The following GPR173 variants were observed in gnomAD, a reference collection of about 807,000 sequenced individuals.
GPR173 encodes the protein G protein-coupled receptor 173, also known as probable G protein-coupled receptor 173.
Under a neutral mutation model 13.9 loss-of-function variants are expected in GPR173, and 2 were observed. The observed-to-expected ratio is 0.14, with a 90% CI of 0.06 to 0.45. The LOEUF (loss-of-function observed/expected upper bound fraction) is 0.45, where lower values mean the gene tolerates loss of function less well. GPR173 is among the 20% of genes least tolerant of loss of function. The probability of loss-of-function intolerance (pLI) is 0.98; values close to 1 mark genes in which losing one functional copy is unlikely to be tolerated. For missense variants in GPR173, 202 were observed against 340.5 expected, an observed-to-expected ratio of 0.59 and a Z score of 3.20; for synonymous variants, 131 against 141.0, an observed-to-expected ratio of 0.93 and a Z score of 0.50.
chrX:53,073,866 T>G (rs1300750519), intron 1 of GPR173, among the ~76,000 whole-genome samples: 9 of 22,862 alleles, frequency 3.9e-4, no homozygotes, highest in Admixed American at 1.4e-3. Context: ...ATTTATATAT[T>G]TTATATATAA....
chrX:53,080,563 A>G lies in GPR173; in HGVS notation c.*2820A>G, dbSNP rs1932522913. The G allele has an allele frequency of 8.1e-6, 1 of 122,897 alleles. No homozygotes were observed. Among genetic ancestry groups the G allele is most frequent in the South Asian group, 3.7e-4 (1 of 2,689 alleles). The allele number at this position is 122,897 out of a possible 1,213,427, so 10.1% of individuals were successfully genotyped here. Reference sequence around the variant, plus strand: ...TTACATATATGTGTATCTGTGAAAAATGTATGGTATTGCTGTGTGTTTTAA... The same window carrying G: ...TTACATATATGTGTATCTGTGAAAAGTGTATGGTATTGCTGTGTGTTTTAA... On this transcript the variant is annotated 3_prime_UTR_variant, in exon 2 of 2. Transcript: ENST00000332582.
chrX:53,075,899 G>A (rs1403881733), intron 1 of GPR173, among the ~76,000 whole-genome samples: 1 of 111,872 alleles, frequency 8.9e-6, no homozygotes, highest in Non-Finnish European at 1.9e-5. Context: ...TGAAACTTTT[G>A]GTTGAGCTGT....
At chrX:53,060,346 G>A (rs1341662627) in intron 1 of GPR173, among the ~76,000 whole-genome samples, 1 of 109,936 alleles carries the variant, frequency 9.1e-6, no homozygotes, top group African/African-American at 3.3e-5. Context: ...TTGGGAGGCC[G>A]AGGCGGGTGA....
At chrX:53,072,245 C>A (rs1370874283) in intron 1 of GPR173, among the ~76,000 whole-genome samples, 1 of 109,746 alleles carries the variant, frequency 9.1e-6, no homozygotes, top group African/African-American at 3.3e-5. Context: ...CCGTGTCTCC[C>A]TCTCTATCTC....
intron 1 of GPR173, among the ~76,000 whole-genome samples, chrX:53,069,825 A>T (rs1932234462): frequency 9.0e-6 from 1 of 111,600 alleles, no homozygotes; most frequent in African/African-American, 3.3e-5. Context: ...GTGTGTACAT[A>T]TACCAGGATA....
intron 1 of GPR173, among the ~76,000 whole-genome samples, chrX:53,059,171 C>T (rs1446228870): frequency 1.9e-5 from 2 of 107,677 alleles, no homozygotes; most frequent in African/African-American, 6.7e-5. Flanking sequence ...ATGGCGTGAA[C>T]CTGGGAGGCA....
At position 53,077,775 on chromosome X, in the gene GPR173, G is replaced by T. The variant is rs782607778; in HGVS notation, c.*32G>T. On this transcript the variant is annotated 3_prime_UTR_variant, in exon 2 of 2. Coordinates refer to ENST00000332582, the MANE Select transcript of GPR173 (RefSeq NM_018969.6). ...CTGGTAGGCAGACAGGCAGAGAGAAGGTCATGGCCACCGTGATGGGGCCAA... is the reference window on the plus strand; with the variant it reads ...CTGGTAGGCAGACAGGCAGAGAGAATGTCATGGCCACCGTGATGGGGCCAA... The T allele has an allele frequency of 1.1e-4, 122 of 1,144,439 alleles. No homozygotes were observed. Among genetic ancestry groups the T allele is most frequent in the Non-Finnish European group, 1.4e-4 (118 of 843,238 alleles). The allele number at this position is 1,144,439 out of a possible 1,213,427, so 94.3% of individuals were successfully genotyped here.
chrX:53,054,696 G>A (rs1027597394), intron 1 of GPR173, among the ~76,000 whole-genome samples: 1 of 108,789 alleles, frequency 9.2e-6, no homozygotes, highest in Non-Finnish European at 1.9e-5. Flanking sequence ...TATTTGAGGG[G>A]TGTGTGAGTA....
At chrX:53,063,009 G>C (rs1046714406) in intron 1 of GPR173, among the ~76,000 whole-genome samples, 2 of 110,692 alleles carry the variant, frequency 1.8e-5, no homozygotes, top group Admixed American at 9.7e-5. Flanking sequence ...TCGCAGGCTG[G>C]AGTTGCACAT....
In GPR173 at chrX:53,069,260, G is replaced by A. The variant is rs75131640; in HGVS notation, c.-97-7265G>A. Among the ~76,000 whole-genome samples the A allele has an allele frequency of 1.1e-3, 102 of 95,696 alleles. 2 individuals are homozygous for A. The East Asian group carries it at 0.026, about 25-fold the overall frequency. The allele number at this position is 95,696 out of a possible 115,157, so 83.1% of individuals were successfully genotyped here. A position where few individuals can be genotyped will look rare whatever the true frequency, so the allele number is the denominator to read the frequency against. On this transcript the variant is annotated intron_variant, in intron 1 of 1. Transcript: ENST00000332582. ...CAGGCGTGAGCCACCGTGCCCAGCC[G>A]ACCTTTTCTCTTAAAAAAAAAAAAA...
Position 53,079,604 on chromosome X carries a change from TGC to T in GPR173, c.*1863_*1864del, listed in dbSNP as rs1491063729. ...CTCTTTCTGACTGTGTGTGTGTGTG[TGC>T]GTGCGTGCGTGCATGTGCCCTGTCT... On this transcript the variant is annotated 3_prime_UTR_variant, in exon 2 of 2. Coordinates refer to ENST00000332582, the MANE Select transcript of GPR173 (RefSeq NM_018969.6). The T allele has an allele frequency of 5.4e-5, 6 of 111,545 alleles. No individual in the cohort carries two copies. Among genetic ancestry groups the T allele is most frequent in the African/African-American group, 3.9e-5 (1 of 25,514 alleles). 9.2% of individuals were successfully genotyped at this position (111,545 alleles called of 1,213,427 possible).
chrX:53,055,823 A>C (rs1480016300), intron 1 of GPR173, among the ~76,000 whole-genome samples: 1 of 108,717 alleles, frequency 9.2e-6, no homozygotes, highest in Non-Finnish European at 1.9e-5. Context: ...ATGTGTCTGC[A>C]TGGGGCTGTG....
intron 1 of GPR173, among the ~76,000 whole-genome samples, chrX:53,060,921 TCAG>T (rs1569221675): frequency 5.8e-5 from 1 of 17,199 alleles, no homozygotes; most frequent in Admixed American, 6.7e-4. Flanking sequence ...GCCTACAGTC[TCAG>T]ACTGTACAGA....
chrX:53,060,031 T>C (rs189101417), intron 1 of GPR173, among the ~76,000 whole-genome samples: 28,391 of 100,833 alleles, frequency 0.28, 4,696 homozygotes, highest in African/African-American at 0.56. Context: ...TATATATATA[T>C]ACACACACAC....
rs782741875 is a variant in GPR173, at chrX:53,048,884, G to A, written c.-698G>A. 9.0e-6 allele frequency among the ~76,000 whole-genome samples: 1 copy of A among 110,965 alleles called. No homozygotes were observed. The highest frequency in any genetic ancestry group is 1.9e-5 in the Non-Finnish European group (1 of 52,631). ...CCTCTTCCCCATCCCCGCCAGGCCC[G>A]GGGAGCGGGGTGAGCCTGGATGAGA... On this transcript the variant is annotated 5_prime_UTR_variant, in exon 1 of 2. Transcript: ENST00000332582.
chrX:53,063,439 A>G (rs781921886), intron 1 of GPR173, among the ~76,000 whole-genome samples: 5 of 109,965 alleles, frequency 4.5e-5, no homozygotes, highest in Admixed American at 9.8e-5. Context: ...GCTTGCCTCA[A>G]AGGCCTCTGA....
intron 1 of GPR173, among the ~76,000 whole-genome samples, chrX:53,067,732 G>T (rs782065125): frequency 1.8e-5 from 2 of 108,546 alleles, no homozygotes; most frequent in South Asian, 8.0e-4. Flanking sequence ...GCTGAGGCAG[G>T]AGAATGGCGT....
chrX:53,066,331 T>C (rs1556804212), intron 1 of GPR173, among the ~76,000 whole-genome samples: 1 of 111,418 alleles, frequency 9.0e-6, no homozygotes, highest in Non-Finnish European at 1.9e-5. Flanking sequence ...ATCCATAAAC[T>C]CTGTCAGTAG....
At chrX:53,063,508 C>T (rs2146677541) in intron 1 of GPR173, among the ~76,000 whole-genome samples, 1 of 111,337 alleles carries the variant, frequency 9.0e-6, no homozygotes, top group South Asian at 3.8e-4. Context: ...TGGTCACACC[C>T]TTAGTATTCT....
Sources: allele counts gnomAD v4.1 joint callset (sites outside exome capture counted in the v4.1 genomes callset), GRCh38; gene constraint gnomAD v4.1.1; transcripts MANE v1.5; gene names NCBI Gene and HGNC (gene_info 2026-07-23, HGNC 2026-07-21).